Variants in CIROP observed in about 807,000 individuals in gnomAD.
The protein encoded by CIROP is ciliated left-right organizer metallopeptidase, also known as leishmanolysin homolog.
At chr14:23,104,906 C>T in the CIROP span, 2 of 104,418 alleles carry the variant, frequency 1.9e-5, no homozygotes, top group African/African-American at 6.3e-5. Flanking sequence ...GCAGCAGCAG[C>T]AGCAGCAGCA....
chr14:23,102,199 T>C, the CIROP span: 1 of 702,934 alleles, frequency 1.4e-6, no homozygotes, highest in East Asian at 2.7e-5. Context: ...CTGGGCTCCA[T>C]CAAAGGTAGC....
the CIROP span, chr14:23,100,567 C>A: frequency 2.5e-6 from 1 of 406,884 alleles, no homozygotes. Flanking sequence ...TCTGGAGAGT[C>A]AGAGTCAGGG....
At chr14:23,103,797 C>T in the CIROP span, 96 of 702,746 alleles carry the variant, frequency 1.4e-4, no homozygotes, top group Admixed American at 3.4e-4. Flanking sequence ...AAGGCATAAC[C>T]GCGAAGATGG....
At chr14:23,101,195 G>C in the CIROP span, 1 of 417,070 alleles carries the variant, frequency 2.4e-6, no homozygotes, top group Non-Finnish European at 4.2e-6. Context: ...TAGGAAAACT[G>C]TATGCACATC....
the CIROP span, chr14:23,102,962 G>A: frequency 3.4e-6 from 2 of 596,798 alleles, no homozygotes; most frequent in East Asian, 2.8e-5. Context: ...TGGGGCTGGT[G>A]AGATGTTGGG....
At chr14:23,103,781 G>A in the CIROP span, 18 of 702,740 alleles carry the variant, frequency 2.6e-5, no homozygotes, top group Middle Eastern at 4.6e-4. Context: ...ACCCTGCTCC[G>A]GCCACAAGGC....
chr14:23,104,797 G>T, the CIROP span: 5 of 702,918 alleles, frequency 7.1e-6, no homozygotes, highest in Admixed American at 2.0e-5. Context: ...TTTGAGGGGA[G>T]TTGGGAGAAA....
chr14:23,104,720 G>A, the CIROP span: 1,074 of 703,006 alleles, frequency 1.5e-3, 9 homozygotes, highest in African/African-American at 0.016. Flanking sequence ...CTCCTAGATA[G>A]CAGCTTTGGA....
chr14:23,104,484 T>A, the CIROP span: 5 of 703,046 alleles, frequency 7.1e-6, no homozygotes, highest in South Asian at 4.4e-5. Context: ...AGGGACTTGA[T>A]AAGAAGTCAG....
chr14:23,102,187 C>T, the CIROP span: 16 of 702,822 alleles, frequency 2.3e-5, no homozygotes, highest in East Asian at 3.0e-4. Context: ...GAGTCGAGTG[C>T]GCTGGGCTCC....
the CIROP span, chr14:23,102,643 G>A: frequency 1.4e-6 from 1 of 702,886 alleles, no homozygotes; most frequent in African/African-American, 1.7e-5. Context: ...GAATCCTGAG[G>A]GGCAGTCTCG....
At chr14:23,101,824 AC>A in the CIROP span, 10 of 702,528 alleles carry the variant, frequency 1.4e-5, no homozygotes, top group Admixed American at 1.0e-4. Context: ...CAGTCCCCTA[AC>A]CACTCAGCAC....
chr14:23,104,532 G>A, the CIROP span: 3 of 702,468 alleles, frequency 4.3e-6, no homozygotes, highest in African/African-American at 5.2e-5. Context: ...CTCTTTCTGG[G>A]CTGATCTTCC....
chr14:23,104,725 T>C, the CIROP span: 1 of 702,796 alleles, frequency 1.4e-6, no homozygotes, highest in Non-Finnish European at 2.6e-6. Context: ...AGATAGCAGC[T>C]TTGGATTCGT....
chr14:23,103,777 C>T, the CIROP span: 1 of 702,956 alleles, frequency 1.4e-6, no homozygotes, highest in South Asian at 1.5e-5. Context: ...GGGGACCCTG[C>T]TCCGGCCACA....
At chr14:23,101,300 C>T in the CIROP span, 1 of 508,440 alleles carries the variant, frequency 2.0e-6, no homozygotes, top group South Asian at 3.7e-5. Context: ...ACCTGTATAA[C>T]CTTTCCAGGA....
the CIROP span, chr14:23,099,124 C>T: frequency 2.4e-6 from 1 of 409,386 alleles, no homozygotes; most frequent in Non-Finnish European, 4.5e-6. Context: ...AACTGTAAAA[C>T]TTCACCCTTT....
the CIROP span, chr14:23,103,786 C>T: frequency 2.8e-6 from 2 of 702,872 alleles, no homozygotes; most frequent in Non-Finnish European, 5.2e-6. Flanking sequence ...GCTCCGGCCA[C>T]AAGGCATAAC....
the CIROP span, chr14:23,100,680 A>G: frequency 2.5e-6 from 1 of 399,034 alleles, no homozygotes; most frequent in Non-Finnish European, 4.4e-6. Flanking sequence ...TGGAAATAGC[A>G]CCTAAATGGA....
Sources: allele counts gnomAD v4.1 joint callset, GRCh38; gene constraint gnomAD v4.1.1; transcripts MANE v1.5; gene names NCBI Gene and HGNC (gene_info 2026-07-23, HGNC 2026-07-21).